Variants in HTR3A observed in about 807,000 individuals in gnomAD.
HTR3A encodes the protein 5-hydroxytryptamine receptor 3A, also known as 5-hydroxytryptamine (serotonin) receptor 3A, ionotropic.
In HTR3A, 45 loss-of-function variants were observed where a neutral mutation model predicts 54.8. The observed-to-expected ratio is 0.82, with a 90% CI of 0.65 to 1.05. The LOEUF (loss-of-function observed/expected upper bound fraction) is 1.05, where lower values mean the gene tolerates loss of function less well. Ranked by LOEUF, HTR3A falls within the 50% of genes least tolerant of loss-of-function variation. The probability of loss-of-function intolerance (pLI) is 0.00; values close to 1 mark genes in which losing one functional copy is unlikely to be tolerated. For missense variants in HTR3A, 657 were observed against 614.0 expected (o/e 1.07, Z -0.74); for synonymous variants, 297 against 256.0 (o/e 1.16, Z -1.53).
At chr11:113,977,975 G>A in intron 2 of HTR3A, 53 bp downstream of exon 2, 1 of 1,607,890 alleles carries the variant, frequency 6.2e-7, no homozygotes, top group South Asian at 1.1e-5. Flanking sequence ...GGTGGGAGAA[G>A]GCCATGTGAG....
chr11:113,988,636 C>T (rs1416556699), intron 8 of HTR3A, among the ~76,000 whole-genome samples: 1 of 152,114 alleles, frequency 6.6e-6, no homozygotes, highest in Non-Finnish European at 1.5e-5. Context: ...TGGTGACACA[C>T]ACCTGTAATC....
At position 113,977,815 on chromosome 11, in the gene HTR3A, T is replaced by G. The variant is rs78552063; in HGVS notation, c.112T>G (p.Ser38Ala). 1 of 1,614,008 alleles carries G rather than the reference T, an allele frequency of 6.2e-7. No homozygotes were observed. The highest frequency in any genetic ancestry group is 8.5e-7 in the Non-Finnish European group (1 of 1,180,030). Residue 38 changes from serine to alanine, a missense_variant, in exon 2 of 9, where the codon TCG (serine) becomes GCG (alanine). Physicochemically the swap from Ser to Ala is moderately conservative, Grantham distance 99. Transcript: ENST00000504030. ...CACCAGGCCCGCTCTGCTGAGGCTG[T>G]CGGATTACCTTTTGACCAACTACAG... is the stretch of plus-strand genomic sequence containing the variant. ...NTTRPALLRL[S>A]DYLLTNYRKG...
In HTR3A at chr11:113,986,821, A is replaced by C. The variant is rs778108749; in HGVS notation, c.917-4A>C. The C allele has an allele frequency of 1.2e-6, 2 of 1,613,698 alleles. No individual in the cohort carries two copies. The highest frequency in any genetic ancestry group is 2.2e-5 in the East Asian group (1 of 44,862). On this transcript the variant is annotated splice_region_variant and splice_polypyrimidine_tract_variant and intron_variant, in intron 7 of 8. Coordinates refer to ENST00000504030, the MANE Select transcript of HTR3A (RefSeq NM_000869.6). ...GTCTCTTGCCTCTGCCCTGGGCTGC[A>C]CAGGTGTCTACTTTGTGGTGTGCAT... is the stretch of plus-strand genomic sequence containing the variant.
chr11:113,977,970 G>A, intron 2 of HTR3A, 48 bp downstream of exon 2: 3 of 1,611,586 alleles, frequency 1.9e-6, no homozygotes, highest in East Asian at 4.5e-5. Flanking sequence ...TTGGGGGTGG[G>A]AGAAGGCCAT....
intron 1 of HTR3A, 93 bp from the exon 2 acceptor site, chr11:113,977,677 GA>G (rs1446451078): frequency 2.0e-6 from 3 of 1,530,680 alleles, no homozygotes; most frequent in Non-Finnish European, 2.7e-6. Flanking sequence ...GGATGGTGGG[GA>G]TACGTCTCTT....
Position 113,986,619 on chromosome 11 carries a change from C to A in HTR3A, c.807C>A (p.Asn269Lys), listed in dbSNP as rs1228275901. 6 of 1,613,832 alleles carry A rather than the reference C, an allele frequency of 3.7e-6. No homozygotes were observed. Reference protein sequence around the residue: ...MDIVGFYLPPNSGERVSFKIT... With the variant: ...MDIVGFYLPPKSGERVSFKIT... ...TCGTGGGCTTCTACCTGCCCCCCAACAGTGGCGAGAGGGTCTCTTTCAAGA... is the reference window on the plus strand; with the variant it reads ...TCGTGGGCTTCTACCTGCCCCCCAAAAGTGGCGAGAGGGTCTCTTTCAAGA... Residue 269 changes from asparagine to lysine, a missense_variant, in exon 7 of 9, where the codon AAC becomes AAA. Coordinates refer to ENST00000504030, the MANE Select transcript of HTR3A (RefSeq NM_000869.6).
At chr11:113,981,150 C>G in intron 3 of HTR3A, 53 bp from the exon 4 acceptor site, 1 of 1,126,880 alleles carries the variant, frequency 8.9e-7, no homozygotes, top group Non-Finnish European at 1.4e-6. Flanking sequence ...TTGCAGGCGA[C>G]CCTCACTGGA....
intron 1 of HTR3A, among the ~76,000 whole-genome samples, chr11:113,975,762 G>A (rs1471367958): frequency 6.6e-6 from 1 of 152,130 alleles, no homozygotes; most frequent in Admixed American, 6.5e-5. Context: ...GTCCACCCTT[G>A]CCTGTTATAA....
intron 3 of HTR3A, among the ~76,000 whole-genome samples, chr11:113,979,829 TC>T (rs1950399867): frequency 6.6e-6 from 1 of 151,926 alleles, no homozygotes; most frequent in African/African-American, 2.4e-5. Flanking sequence ...TATCCAAGGG[TC>T]CTGCTCTGGA....
chr11:113,981,426 A>C (rs1950420958), intron 4 of HTR3A, 114 bp downstream of exon 4: 1 of 733,298 alleles, frequency 1.4e-6, no homozygotes, highest in Non-Finnish European at 2.5e-6. Context: ...CAGGAATTGC[A>C]GACTGTAGAT....
chr11:113,984,130 C>G (rs534209535), intron 5 of HTR3A, among the ~76,000 whole-genome samples: 1 of 152,256 alleles, frequency 6.6e-6, no homozygotes, highest in Admixed American at 6.5e-5. Flanking sequence ...AGCTGCTCCC[C>G]CCAACCACAC....
intron 4 of HTR3A, among the ~76,000 whole-genome samples, chr11:113,981,774 A>G (rs1950424769): frequency 6.6e-6 from 1 of 152,104 alleles, no homozygotes; most frequent in Admixed American, 6.5e-5. Context: ...CCTGGCCAAC[A>G]TGGTGAAACC....
chr11:113,985,946 C>A, intron 5 of HTR3A, 69 bp from the exon 6 acceptor site: 1 of 1,543,112 alleles, frequency 6.5e-7, no homozygotes, highest in Non-Finnish European at 9.0e-7. Context: ...CACCTGTGTC[C>A]CATCATCACA....
chr11:113,986,641 A>G lies in HTR3A; in HGVS notation c.829A>G (p.Lys277Glu). The G allele has an allele frequency of 6.2e-7, 1 of 1,614,006 alleles. No individual in the cohort carries two copies. The highest frequency in any genetic ancestry group is 1.1e-5 in the South Asian group (1 of 91,060). ...PPNSGERVSF[K>E]ITLLLGYSVF... ...CAACAGTGGCGAGAGGGTCTCTTTCAAGATTACACTCCTCCTGGGCTACTC... is the reference window on the plus strand; with the variant it reads ...CAACAGTGGCGAGAGGGTCTCTTTCGAGATTACACTCCTCCTGGGCTACTC... The change falls in exon 7 of 9, where the codon AAG (lysine) becomes GAG (glutamate). Residue 277 changes from lysine (K) to glutamate (E), a missense_variant. By Grantham distance (56) the Lys-to-Glu change is moderately conservative. Coordinates refer to ENST00000504030, the MANE Select transcript of HTR3A (RefSeq NM_000869.6).
chr11:113,977,261 C>T (rs774168272), intron 1 of HTR3A, among the ~76,000 whole-genome samples: 94 of 152,316 alleles, frequency 6.2e-4, no homozygotes, highest in Admixed American at 2.6e-3. Flanking sequence ...TTACCTGTTT[C>T]ATACTCAAAA....
chr11:113,977,010 C>A (rs1035878983), intron 1 of HTR3A, among the ~76,000 whole-genome samples: 1 of 152,020 alleles, frequency 6.6e-6, no homozygotes, highest in African/African-American at 2.4e-5. Flanking sequence ...GGTTTGTCCC[C>A]ATAGGCCACC....
In HTR3A at chr11:113,975,118, C is replaced by T; in HGVS notation, c.-208C>T. 2 of 697,724 alleles carry T rather than the reference C, an allele frequency of 2.9e-6. No individual in the cohort carries two copies. Among genetic ancestry groups the T allele is most frequent in the Non-Finnish European group, 2.6e-6 (1 of 383,404 alleles). The allele number at this position is 697,724 out of a possible 1,614,324, so 43.2% of individuals were successfully genotyped here. On this transcript the variant is annotated 5_prime_UTR_variant, in exon 1 of 9. Transcript: ENST00000504030. ...CCTTTCCTCCCGCCTGAAACATGAT[C>T]CAGCTGAAGGACTGATTGCAGGAAA...
At position 113,977,509 on chromosome 11, in the gene HTR3A, G is replaced by A. The variant is rs1003815631; in HGVS notation, c.68-262G>A. 9 of 1,550,420 alleles carry A rather than the reference G, an allele frequency of 5.8e-6. No individual in the cohort carries two copies. The African/African-American group carries it at 1.2e-4, about 21-fold the overall frequency. ...ACCTGATTTGAATCTCAGCTGTCTT[G>A]TGCCACTTGCTCTTCCAAGCCAGAT... is the stretch of plus-strand genomic sequence containing the variant. On this transcript the variant is annotated intron_variant, in intron 1 of 8. Transcript: ENST00000504030.
intron 5 of HTR3A, 51 bp from the exon 6 acceptor site, chr11:113,985,964 G>T: frequency 6.2e-7 from 1 of 1,606,840 alleles, no homozygotes; most frequent in Non-Finnish European, 8.5e-7. Context: ...ACAGGGTCCA[G>T]CAGGCTCTGG....
Sources: allele counts gnomAD v4.1 joint callset (sites outside exome capture counted in the v4.1 genomes callset), GRCh38; gene constraint gnomAD v4.1.1; transcripts MANE v1.5; gene names NCBI Gene and HGNC (gene_info 2026-07-23, HGNC 2026-07-21).